B3GALT1: variants seen among roughly 807,000 people sequenced by gnomAD.
B3GALT1 encodes the protein UDP-Gal:betaGlcNAc beta 1,3-galactosyltransferase, polypeptide 1.
Under a neutral mutation model 23.2 loss-of-function variants are expected in B3GALT1, and 10 were observed. The ratio of observed to expected loss-of-function variants is 0.43; its 90% CI spans 0.27 to 0.73. The LOEUF (loss-of-function observed/expected upper bound fraction) is 0.73. Ranked by LOEUF, B3GALT1 falls within the 30% of genes least tolerant of loss-of-function variation. The pLI, the probability that B3GALT1 is intolerant of heterozygous loss-of-function variation, is 0.21. For synonymous variants in B3GALT1, 156 were observed against 141.5 expected, an observed-to-expected ratio of 1.10 and a Z score of -0.73; for missense variants, 299 against 405.4, an observed-to-expected ratio of 0.74 and a Z score of 2.25.
intron 1 of B3GALT1, among the ~76,000 whole-genome samples, chr2:167,340,716 C>A (rs1416606093): frequency 6.6e-6 from 1 of 152,124 alleles, no homozygotes; most frequent in Non-Finnish European, 1.5e-5. Flanking sequence ...GAAGGAAGAG[C>A]AAAGATCTTC....
intron 1 of B3GALT1, among the ~76,000 whole-genome samples, chr2:167,458,804 TTTG>T (rs1699212560): frequency 6.6e-6 from 1 of 152,168 alleles, no homozygotes; most frequent in African/African-American, 2.4e-5. Flanking sequence ...ACCAGATTTT[TTTG>T]TTGTTGTTGA....
intron 3 of B3GALT1, among the ~76,000 whole-genome samples, chr2:167,727,867 A>G (rs1687344517): frequency 6.6e-6 from 1 of 152,180 alleles, no homozygotes; most frequent in African/African-American, 2.4e-5. Flanking sequence ...TGTATTACAA[A>G]TGGATGAAAG....
intron 4 of B3GALT1, among the ~76,000 whole-genome samples, chr2:167,835,787 C>A (rs1057479340): frequency 6.6e-6 from 1 of 151,986 alleles, no homozygotes; most frequent in African/African-American, 2.4e-5. Flanking sequence ...CAAGTAGGGG[C>A]AGACTGACAC....
At chr2:167,296,037 A>G (rs1046291909) in intron 1 of B3GALT1, among the ~76,000 whole-genome samples, 5 of 152,160 alleles carry the variant, frequency 3.3e-5, no homozygotes, top group African/African-American at 9.7e-5. Context: ...AAATTGTACC[A>G]TTTCTGCGAA....
At chr2:167,637,667 C>G (rs2105452581) in intron 2 of B3GALT1, among the ~76,000 whole-genome samples, 1 of 152,120 alleles carries the variant, frequency 6.6e-6, no homozygotes, top group South Asian at 2.1e-4. Context: ...TCCTCACACC[C>G]TTTCTAGTAT....
chr2:167,493,970 C>G (rs953896493), intron 2 of B3GALT1, among the ~76,000 whole-genome samples: 1 of 152,138 alleles, frequency 6.6e-6, no homozygotes, highest in Non-Finnish European at 1.5e-5. Context: ...GTTACAATTT[C>G]TATCCCTTCA....
chr2:167,749,192 G>A (rs143370550), intron 3 of B3GALT1, among the ~76,000 whole-genome samples: 2 of 152,280 alleles, frequency 1.3e-5, no homozygotes, highest in Admixed American at 1.3e-4. Flanking sequence ...GACAGATATT[G>A]TGTAACAAGT....
chr2:167,337,733 C>G (rs751777526), intron 1 of B3GALT1, among the ~76,000 whole-genome samples: 175 of 152,238 alleles, frequency 1.1e-3, no homozygotes, highest in Non-Finnish European at 2.0e-3. Flanking sequence ...TACTTACAGC[C>G]ATGTAAAACT....
At chr2:167,576,520 GT>G (rs67961883) in intron 2 of B3GALT1, among the ~76,000 whole-genome samples, 39,617 of 122,212 alleles carry the variant, frequency 0.32, 5,945 homozygotes, top group East Asian at 0.7. Context: ...TTGTTTTTCT[GT>G]TTTTTTTTTT....
In B3GALT1 at chr2:167,648,098, G is replaced by A. The variant is rs1487136136; in HGVS notation, c.-352+1132G>A. On this transcript the variant is annotated intron_variant, in intron 3 of 4. Coordinates refer to ENST00000392690, the MANE Select transcript of B3GALT1 (RefSeq NM_020981.4). ...TATGTAATCTTTTCTTTCAGTCTCA[G>A]TGTAATCATCCTAGCCTCATGATAA... Among the ~76,000 whole-genome samples, 3 of 152,102 alleles carry A rather than the reference G, an allele frequency of 2.0e-5. No individual in the cohort carries two copies. The East Asian group carries it at 5.8e-4, about 29-fold the overall frequency.
chr2:167,499,951 C>T (rs1291722377), intron 2 of B3GALT1, among the ~76,000 whole-genome samples: 1 of 151,990 alleles, frequency 6.6e-6, no homozygotes, highest in East Asian at 1.9e-4. Context: ...AAGTAAAATA[C>T]TGGCAGGTCA....
intron 4 of B3GALT1, among the ~76,000 whole-genome samples, chr2:167,858,725 C>A (rs1399452008): frequency 1.3e-5 from 2 of 152,138 alleles, no homozygotes; most frequent in African/African-American, 4.8e-5. Flanking sequence ...CCACTGACAG[C>A]AGCTACATAA....
intron 3 of B3GALT1, among the ~76,000 whole-genome samples, chr2:167,785,808 G>C (rs1356627864): frequency 6.6e-6 from 1 of 152,130 alleles, no homozygotes; most frequent in Non-Finnish European, 1.5e-5. Context: ...TCTGGGAAGC[G>C]GCATGCATTT....
chr2:167,761,580 G>A (rs1687900393), intron 3 of B3GALT1, among the ~76,000 whole-genome samples: 1 of 152,150 alleles, frequency 6.6e-6, no homozygotes, highest in Non-Finnish European at 1.5e-5. Context: ...AGGAGAGATT[G>A]TGAAAGAGCT....
chr2:167,392,800 ATTTAT>A (rs1337243742), intron 1 of B3GALT1, among the ~76,000 whole-genome samples: 7 of 152,184 alleles, frequency 4.6e-5, no homozygotes, highest in Admixed American at 3.9e-4. Context: ...TTATATTATA[ATTTAT>A]TTTAATTTAC....
chr2:167,400,522 C>G (rs948492791), intron 1 of B3GALT1, among the ~76,000 whole-genome samples: 2 of 152,076 alleles, frequency 1.3e-5, no homozygotes, highest in African/African-American at 4.8e-5. Flanking sequence ...CCAGCTGAAT[C>G]TCTGTTAGAC....
intron 1 of B3GALT1, among the ~76,000 whole-genome samples, chr2:167,423,150 T>C (rs919982695): frequency 1.3e-5 from 2 of 152,086 alleles, no homozygotes; most frequent in African/African-American, 4.8e-5. Context: ...TTCTCCTTTG[T>C]CTCCCTACTC....
At chr2:167,562,451 G>A (rs1255088735) in intron 2 of B3GALT1, among the ~76,000 whole-genome samples, 2 of 152,026 alleles carry the variant, frequency 1.3e-5, no homozygotes, top group Non-Finnish European at 2.9e-5. Flanking sequence ...TGGAAGTTCT[G>A]GCCAGGGCAA....
At chr2:167,857,815 C>G (rs1470940499) in intron 4 of B3GALT1, among the ~76,000 whole-genome samples, 1 of 152,078 alleles carries the variant, frequency 6.6e-6, no homozygotes, top group Admixed American at 6.6e-5. Flanking sequence ...CCTTTGGGTG[C>G]ATTTCTAGAA....
Sources: allele counts gnomAD v4.1 joint callset (sites outside exome capture counted in the v4.1 genomes callset), GRCh38; gene constraint gnomAD v4.1.1; transcripts MANE v1.5; gene names NCBI Gene and HGNC (gene_info 2026-07-23, HGNC 2026-07-21).